UNC79: variants seen among roughly 807,000 people sequenced by gnomAD.
The protein encoded by UNC79 is protein unc-79 homolog.
UNC79 carries 37 observed loss-of-function variants against 283.1 expected under a neutral mutation model. The ratio of observed to expected loss-of-function variants is 0.13; its 90% CI spans 0.10 to 0.17. UNC79 has a LOEUF of 0.17. UNC79 is among the 10% of genes least tolerant of loss of function. The pLI, the probability that UNC79 is intolerant of heterozygous loss-of-function variation, is 1.00. For synonymous variants in UNC79, 1,107 were observed against 1,200.2 expected (o/e 0.92, Z 1.61); for missense variants, 2,272 against 3,211.1 (o/e 0.71, Z 7.07).
chr14:93,618,206 C>T, exon 29 of UNC79: 8 of 1,613,224 alleles, frequency 5.0e-6, no homozygotes, highest in Non-Finnish European at 6.8e-6. Flanking sequence ...CATACCGAGA[C>T]TGTGATATCA....
intron 1 of UNC79, among the ~76,000 whole-genome samples, chr14:93,417,034 A>G (rs1407902827): frequency 6.6e-6 from 1 of 151,956 alleles, no homozygotes; most frequent in African/African-American, 2.4e-5. Context: ...TAAAGTTAAT[A>G]TTGTTATGTG....
intron 7 of UNC79, 144 bp from the exon 8 acceptor site, chr14:93,523,834 T>C: frequency 1.2e-6 from 1 of 850,686 alleles, no homozygotes; most frequent in South Asian, 1.8e-5. Context: ...TTTTAAATTT[T>C]TTATAGATTA....
At chr14:93,369,975 G>A (rs1177836009) in intron 1 of UNC79, among the ~76,000 whole-genome samples, 1 of 152,028 alleles carries the variant, frequency 6.6e-6, no homozygotes, top group African/African-American at 2.4e-5. Flanking sequence ...CTTAAGAGGG[G>A]TGAGAAAAAA....
intron 1 of UNC79, among the ~76,000 whole-genome samples, chr14:93,402,245 C>G (rs2140030176): frequency 7.3e-6 from 1 of 137,070 alleles, no homozygotes; most frequent in African/African-American, 2.8e-5. Flanking sequence ...CCACTGCATT[C>G]CAGCCTGAGT....
intron 12 of UNC79, among the ~76,000 whole-genome samples, chr14:93,538,442 G>C (rs182421150): frequency 6.6e-6 from 1 of 152,332 alleles, no homozygotes; most frequent in East Asian, 1.9e-4. Flanking sequence ...ATGGGAGGCA[G>C]GAGGGAATAA....
At chr14:93,680,966 G>T (rs1338411594) in intron 41 of UNC79, among the ~76,000 whole-genome samples, 3 of 152,116 alleles carry the variant, frequency 2.0e-5, no homozygotes, top group African/African-American at 7.2e-5. Context: ...GGAGTTAAAG[G>T]CTTTACATTT....
intron 26 of UNC79, among the ~76,000 whole-genome samples, chr14:93,607,348 A>G (rs2065958025): frequency 6.6e-6 from 1 of 152,222 alleles, no homozygotes; most frequent in Non-Finnish European, 1.5e-5. Flanking sequence ...CTTCCTGTAT[A>G]TATAGTATCT....
chr14:93,470,597 T>A (rs1205040177), intron 2 of UNC79, among the ~76,000 whole-genome samples: 1 of 152,210 alleles, frequency 6.6e-6, no homozygotes, highest in Non-Finnish European at 1.5e-5. Flanking sequence ...GAGTTGACTT[T>A]AGTCCAAATT....
intron 7 of UNC79, among the ~76,000 whole-genome samples, chr14:93,521,096 G>T (rs2060300054): frequency 6.6e-6 from 1 of 151,976 alleles, no homozygotes; most frequent in Non-Finnish European, 1.5e-5. Context: ...TTATTCTTAG[G>T]TTTTGTTAGA....
intron 35 of UNC79, 35 bp from the exon 39 acceptor site, chr14:93,653,707 T>C (rs1487840174): frequency 6.3e-7 from 1 of 1,587,746 alleles, no homozygotes; most frequent in South Asian, 1.1e-5. Context: ...CACTGGCCCA[T>C]GACTTCGTGT....
intron 4 of UNC79, among the ~76,000 whole-genome samples, chr14:93,481,805 G>T (rs2058160195): frequency 6.6e-6 from 1 of 152,120 alleles, no homozygotes; most frequent in African/African-American, 2.4e-5. Flanking sequence ...TTTAATATAT[G>T]CAGTCTGTTT....
intron 5 of UNC79, among the ~76,000 whole-genome samples, chr14:93,495,389 A>T (rs916525909): frequency 6.6e-6 from 1 of 152,166 alleles, no homozygotes; most frequent in Non-Finnish European, 1.5e-5. Flanking sequence ...ACTCACTATC[A>T]CGGGAACAGC....
rs533549160 is a variant in UNC79 at position 93,336,231 on chromosome 14, A to C, written c.-351+2708A>C. Among the ~76,000 whole-genome samples, 23 of 152,300 alleles carry C rather than the reference A, an allele frequency of 1.5e-4. No individual in the cohort carries two copies. The South Asian group carries it at 4.8e-3, about 32-fold the overall frequency. On this transcript the variant is annotated intron_variant, in intron 1 of 49. Coordinates refer to the UNC79 transcript ENST00000256339. ...GCATGTAACAATCCTGTTTTCATGC[A>C]TTTTTCTGAATTTCCTGAAGTCTAA...
chr14:93,358,989 T>C (rs2054165671), intron 1 of UNC79, among the ~76,000 whole-genome samples: 1 of 152,182 alleles, frequency 6.6e-6, no homozygotes, highest in East Asian at 1.9e-4. Flanking sequence ...TTCTAATTTA[T>C]GTAAGCAGAA....
chr14:93,634,787 G>A, intron 31 of UNC79, 150 bp downstream of exon 34: 4 of 704,250 alleles, frequency 5.7e-6, no homozygotes, highest in Non-Finnish European at 9.7e-6. Flanking sequence ...TAATTAGTAA[G>A]TCTATTTAAA....
intron 31 of UNC79, among the ~76,000 whole-genome samples, chr14:93,631,707 G>GA (rs1400084756): frequency 1.3e-5 from 2 of 152,276 alleles, no homozygotes; most frequent in East Asian, 3.9e-4. Flanking sequence ...TGATGATCCT[G>GA]AAAAAACAGA....
At position 93,423,643 on chromosome 14, in the gene UNC79, G is replaced by C. The variant is rs184026078; in HGVS notation, c.-350-44028G>C. Among the ~76,000 whole-genome samples the C allele has an allele frequency of 4.4e-3, 673 of 152,276 alleles. 4 individuals are homozygous for C. Among genetic ancestry groups the C allele is most frequent in the Non-Finnish European group, 7.6e-3 (516 of 68,016 alleles). On this transcript the variant is annotated intron_variant, in intron 1 of 49. Coordinates refer to the UNC79 transcript ENST00000256339. The stretch of plus-strand genomic sequence containing the variant: ...ACAGTCTCTTCAATAAATGGTGCTT[G>C]GAAAACTGGATGTCCATATGTGAAA...
intron 41 of UNC79, among the ~76,000 whole-genome samples, chr14:93,679,964 C>T (rs1231656425): frequency 6.6e-6 from 1 of 151,962 alleles, no homozygotes; most frequent in Non-Finnish European, 1.5e-5. Flanking sequence ...AAAACAAAGA[C>T]AGAAAGGTTT....
chr14:93,494,616 A>G (rs1399330438), intron 5 of UNC79, among the ~76,000 whole-genome samples: 2 of 152,168 alleles, frequency 1.3e-5, no homozygotes, highest in East Asian at 3.9e-4. Context: ...ACTGAATTGC[A>G]TATAGATGGC....
Sources: gnomAD v4.1 joint callset for allele counts (sites outside exome capture counted in the v4.1 genomes callset) on GRCh38, gnomAD v4.1.1 for gene constraint, MANE v1.5 for transcripts, NCBI Gene and HGNC (gene_info 2026-07-23, HGNC 2026-07-21) for gene names.